The following HAS1 variants were observed in gnomAD, a reference collection of about 807,000 sequenced individuals.
The protein encoded by HAS1 is HA synthase 1.
In HAS1, 27 loss-of-function variants were observed where a neutral mutation model predicts 35.0. The observed-to-expected ratio is 0.77, with a 90% CI of 0.57 to 1.06. The LOEUF is 1.06. HAS1 is among the 50% of genes least tolerant of loss of function. HAS1 has a pLI of 0.00. For missense variants in HAS1, 940 were observed against 814.8 expected (o/e 1.15, Z -1.87); for synonymous variants, 409 against 371.2 (o/e 1.10, Z -1.17).
intron 1 of HAS1, 29 bp downstream of exon 1, chr19:51,723,884 TACACACACACAC>T (rs58597876): frequency 8.1e-5 from 99 of 1,229,100 alleles, no homozygotes; most frequent in Admixed American, 5.6e-4. Flanking sequence ...CATGGCTGTA[TACACACACACAC>T]ACACACACAC....
Position 51,713,562 on chromosome 19 carries a change from G to C in HAS1, c.1599C>G (p.Arg533=). Residue 533 remains arginine (R), a synonymous_variant, in exon 5 of 5, where the codon CGC becomes CGG. Transcript: ENST00000540069. The surrounding 1 kb of genome is among the most constrained non-coding windows in gnomAD (Gnocchi z 4.5). ...CGGCCAAGTGGTAGGCCTCGGCTGC[G>C]CGGGAAGGGCCGCTCCAGTCGGCCC... is the stretch of plus-strand genomic sequence containing the variant. ...EARADWSGPS[R]AAEAYHLAAG... 6.3e-7 allele frequency: 1 copy of C among 1,576,454 alleles called. No homozygotes were observed. The highest frequency in any genetic ancestry group is 8.6e-7 in the Non-Finnish European group (1 of 1,162,104).
Position 51,719,686 on chromosome 19 carries a change from C to A in HAS1, c.219G>T (p.Ala73=), listed in dbSNP as rs546971690. ...SAHLVAQSLF[A]YLEHRRVAAA... ...CCGCCACCCGCCGGTGCTCCAGGTA[C>A]GCGAAGAGGCTCTGCGCCACCAGGT... Residue 73 remains alanine, a synonymous_variant, in exon 2 of 5, where the codon GCG becomes GCT. Transcript: ENST00000540069. The A allele has an allele frequency of 7.7e-6, 12 of 1,557,472 alleles. No homozygotes were observed. The highest frequency in any genetic ancestry group is 1.4e-5 in the African/African-American group (1 of 73,144).
At chr19:51,718,357 C>T (rs1389237850) in intron 2 of HAS1, among the ~76,000 whole-genome samples, 7 of 151,156 alleles carry the variant, frequency 4.6e-5, no homozygotes, top group African/African-American at 1.7e-4. Flanking sequence ...AATCTCAACA[C>T]TGAAGGAGGG....
intron 2 of HAS1, among the ~76,000 whole-genome samples, chr19:51,718,272 G>A (rs1204759340): frequency 6.6e-6 from 1 of 151,904 alleles, no homozygotes; most frequent in African/African-American, 2.4e-5. Context: ...AAATGGGATG[G>A]ATGAATGAGA....
chr19:51,721,182 A>G (rs1324170507), intron 1 of HAS1, among the ~76,000 whole-genome samples: 1 of 152,188 alleles, frequency 6.6e-6, no homozygotes, highest in Non-Finnish European at 1.5e-5. Flanking sequence ...CTAAACCTCT[A>G]GCCCTCGGGA....
chr19:51,716,525 T>A (rs1379175850), intron 3 of HAS1, 137 bp from the exon 4 acceptor site: 1 of 703,724 alleles, frequency 1.4e-6, no homozygotes, highest in Admixed American at 2.9e-5. Context: ...CAGCACTATC[T>A]CCAATCCCAT....
intron 4 of HAS1, among the ~76,000 whole-genome samples, chr19:51,714,710 G>A (rs952305194): frequency 1.1e-4 from 6 of 56,972 alleles, no homozygotes; most frequent in African/African-American, 3.0e-4. Flanking sequence ...AAAAAAAAAA[G>A]GCTCTCATAA....
In HAS1 at chr19:51,717,284, G is replaced by A. The variant is rs190211891; in HGVS notation, c.700-91C>T. The A allele has an allele frequency of 2.9e-4, 239 of 821,088 alleles. No individual in the cohort carries two copies. In the African/African-American group the frequency reaches 3.7e-3, roughly 13 times the overall value. The allele number at this position is 821,088 out of a possible 1,614,324, so 50.9% of individuals were successfully genotyped here. ...CATCAAGGGGTGCAATGCAGCTGGG[G>A]CACTCTGCAACCGATCTGAACATAA... On this transcript the variant is annotated intron_variant, in intron 2 of 4. Transcript: ENST00000540069.
intron 2 of HAS1, 27 bp downstream of exon 2, chr19:51,719,179 G>A: frequency 1.4e-6 from 2 of 1,441,226 alleles, no homozygotes; most frequent in East Asian, 5.0e-5. Context: ...TTCGGGTCAC[G>A]AGTGGGCTGA....
At chr19:51,717,328 T>C in intron 2 of HAS1, 135 bp from the exon 3 acceptor site, 1 of 618,530 alleles carries the variant, frequency 1.6e-6, no homozygotes, top group Non-Finnish European at 2.9e-6. Flanking sequence ...TTTTTTAAAG[T>C]CATTTTCAAT....
At position 51,713,699 on chromosome 19, in the gene HAS1, C is replaced by T. The variant is rs1178675077; in HGVS notation, c.1462G>A (p.Gly488Ser). ...ALVTMNQSGW[G>S]TSGRRKLAAN... ...GCCAGCTTCCGCCGGCCCGAGGTGCCCCAGCCACTCTGGTTCATGGTGACT... is the reference window on the plus strand; with the variant it reads ...GCCAGCTTCCGCCGGCCCGAGGTGCTCCAGCCACTCTGGTTCATGGTGACT... Residue 488 changes from glycine to serine, a missense_variant, in exon 5 of 5, where the codon GGC becomes AGC. Physicochemically the swap from Gly to Ser is moderately conservative, Grantham distance 56 (BLOSUM62 0). Coordinates refer to ENST00000540069, the MANE Select transcript of HAS1 (RefSeq NM_001297436.2). This position sits in a 1 kb window ranked among gnomAD's most constrained non-coding sequence, Gnocchi z 4.5. The T allele has an allele frequency of 5.6e-6, 9 of 1,603,252 alleles. No homozygotes were observed. The South Asian group carries it at 6.7e-5, about 12-fold the overall frequency.
At chr19:51,720,748 C>A (rs2083626405) in intron 1 of HAS1, among the ~76,000 whole-genome samples, 1 of 152,112 alleles carries the variant, frequency 6.6e-6, no homozygotes, top group Non-Finnish European at 1.5e-5. Flanking sequence ...CATGAGCCAC[C>A]AAGCCCAGCC....
Position 51,719,531 on chromosome 19 carries a change from G to A in HAS1, c.374C>T (p.Ala125Val), listed in dbSNP as rs1366346615. 3.9e-6 allele frequency: 6 copies of A among 1,548,754 alleles called. No homozygotes were observed. The East Asian group carries it at 7.4e-5, about 19-fold the overall frequency. The change falls in exon 2 of 5, where the codon GCG (alanine) becomes GTG (valine). Residue 125 changes from alanine to valine, a missense_variant. By Grantham distance (64) the Ala-to-Val change is moderately conservative (BLOSUM62 0). Transcript: ENST00000540069. ...ASARALLYPR[A>V]RLRVLMVVDG... ...CACCACCATGAGGACGCGCAGCCGC[G>A]CGCGCGGGTACAGCAGGGCGCGGGC...
chr19:51,713,735 A>G lies in HAS1; in HGVS notation c.1426T>C (p.Phe476Leu). Reference protein sequence around the residue: ...LYMCGLLPAKFLALVTMNQSG... With the variant: ...LYMCGLLPAKLLALVTMNQSG... ...TGGTTCATGGTGACTAGCGCCAGGA[A>G]CTTGGCAGGCAGGAGGCCACACATG... The change falls in exon 5 of 5, where the codon TTC (phenylalanine) becomes CTC (leucine). Residue 476 changes from phenylalanine to leucine, a missense_variant. Coordinates refer to ENST00000540069, the MANE Select transcript of HAS1 (RefSeq NM_001297436.2). This position sits in a 1 kb window ranked among gnomAD's most constrained non-coding sequence, Gnocchi z 4.5. 6.2e-7 allele frequency: 1 copy of G among 1,607,536 alleles called. No individual in the cohort carries two copies. Among genetic ancestry groups the G allele is most frequent in the Non-Finnish European group, 8.5e-7 (1 of 1,177,218 alleles).
chr19:51,718,386 AG>A (rs2083600694), intron 2 of HAS1, among the ~76,000 whole-genome samples: 1 of 152,232 alleles, frequency 6.6e-6, no homozygotes, highest in Non-Finnish European at 1.5e-5. Context: ...GGAGGGAAGA[AG>A]GAAAGAAGAA....
Position 51,713,886 on chromosome 19 carries a change from G to T in HAS1, c.1275C>A (p.Gly425=). Residue 425 remains glycine (G), a synonymous_variant, in exon 5 of 5, where the codon GGC becomes GGA. Transcript: ENST00000540069. The surrounding 1 kb of genome is among the most constrained non-coding windows in gnomAD (Gnocchi z 4.5). ...GCACCCACAGCAGCGCCCAAGGGCG[G>T]CCCGCGTAGAACAGACGCAGCACAG... ...AATVLRLFYA[G]RPWALLWVLL... The T allele has an allele frequency of 6.2e-7, 1 of 1,606,168 alleles. No individual in the cohort carries two copies. The highest frequency in any genetic ancestry group is 1.1e-5 in the South Asian group (1 of 91,070).
Position 51,713,339 on chromosome 19 carries a change from A to C in HAS1, c.*88T>G. The C allele has an allele frequency of 7.8e-7, 1 of 1,285,448 alleles. No homozygotes were observed. Among genetic ancestry groups the C allele is most frequent in the Non-Finnish European group, 1.0e-6 (1 of 971,758 alleles). The allele number at this position is 1,285,448 out of a possible 1,614,324, so 79.6% of individuals were successfully genotyped here. On this transcript the variant is annotated 3_prime_UTR_variant, in exon 5 of 5. Coordinates refer to ENST00000540069, the MANE Select transcript of HAS1 (RefSeq NM_001297436.2). This position sits in a 1 kb window ranked among gnomAD's most constrained non-coding sequence, Gnocchi z 4.5. ...GAGGAGGGAAACTGAGGCCCAGAGA[A>C]CCACCCAGCAAGTTCGTGGCTCGGG...
Position 51,713,875 on chromosome 19 carries a change from G to A in HAS1, c.1286C>T (p.Ala429Val), listed in dbSNP as rs34682338. 17,828 of 1,606,164 alleles carry A rather than the reference G, an allele frequency of 0.011. 117 individuals are homozygous for A. The highest frequency in any genetic ancestry group is 0.013 in the Non-Finnish European group (15,718 of 1,179,686). ...LRLFYAGRPWALLWVLLCVQG... is the reference protein window; with the variant it reads ...LRLFYAGRPWVLLWVLLCVQG... ...CACGCACAGCAGCACCCACAGCAGC[G>A]CCCAAGGGCGGCCCGCGTAGAACAG... Residue 429 changes from alanine (A) to valine (V), a missense_variant, in exon 5 of 5, where the codon GCG (alanine) becomes GTG (valine). Coordinates refer to ENST00000540069, the MANE Select transcript of HAS1 (RefSeq NM_001297436.2). The surrounding 1 kb of genome is among the most constrained non-coding windows in gnomAD (Gnocchi z 4.5).
Position 51,713,569 on chromosome 19 carries a change from G to T in HAS1, c.1592C>A (p.Pro531His). 6.4e-7 allele frequency: 1 copy of T among 1,572,656 alleles called. No individual in the cohort carries two copies. Residue 531 changes from proline to histidine, a missense_variant, in exon 5 of 5, where the codon CCT (proline) becomes CAT (histidine). Pro to His is a moderately conservative substitution (Grantham distance 77, BLOSUM62 -2). Transcript: ENST00000540069. The surrounding 1 kb of genome is among the most constrained non-coding windows in gnomAD (Gnocchi z 4.5). ...GTGGTAGGCCTCGGCTGCGCGGGAA[G>T]GGCCGCTCCAGTCGGCCCTGGCCTC... ...AHEARADWSG[P>H]SRAAEAYHLA...
Sources: allele counts gnomAD v4.1 joint callset (sites outside exome capture counted in the v4.1 genomes callset), GRCh38; gene constraint gnomAD v4.1.1; non-coding constraint Gnocchi (gnomAD v3.1); transcripts MANE v1.5; gene names NCBI Gene and HGNC (gene_info 2026-07-23, HGNC 2026-07-21).